TSHZ3: variants seen among roughly 807,000 people sequenced by gnomAD.
TSHZ3 encodes teashirt zinc finger homeobox 3.
Under a neutral mutation model 64.5 loss-of-function variants are expected in TSHZ3, and 10 were observed. The ratio of observed to expected loss-of-function variants is 0.16; its 90% CI spans 0.10 to 0.26. The LOEUF is 0.26. Ranked by LOEUF, TSHZ3 falls within the 10% of genes least tolerant of loss-of-function variation. The probability of loss-of-function intolerance (pLI) is 1.00; values close to 1 mark genes in which losing one functional copy is unlikely to be tolerated. For missense variants in TSHZ3, 1,242 were observed against 1,421.7 expected (o/e 0.87, Z 2.03); for synonymous variants, 608 against 593.1 (o/e 1.03, Z -0.36).
chr19:31,284,153 C>T (rs1337900413), intron 1 of TSHZ3, among the ~76,000 whole-genome samples: 1 of 152,150 alleles, frequency 6.6e-6, no homozygotes, highest in African/African-American at 2.4e-5. Flanking sequence ...CTTCCTTAGT[C>T]TTGCATGCAG....
In TSHZ3 at chr19:31,349,361, G is replaced by T; in HGVS notation, c.-142C>A. The stretch of plus-strand genomic sequence containing the variant: ...CCCGGAGAGCGGCCGCCCGCAGGAT[G>T]CTGCTGCGCCCAGGCTCTCCGCGTC... On this transcript the variant is annotated 5_prime_UTR_variant, in exon 1 of 2. Transcript: ENST00000240587. 3.0e-6 allele frequency: 2 copies of T among 675,318 alleles called. No individual in the cohort carries two copies. The highest frequency in any genetic ancestry group is 4.4e-6 in the Non-Finnish European group (2 of 459,606). The allele number at this position is 675,318 out of a possible 1,614,324, so 41.8% of individuals were successfully genotyped here.
chr19:31,195,254 C>A (rs1974968913), intron 5 of TSHZ3, among the ~76,000 whole-genome samples: 1 of 151,828 alleles, frequency 6.6e-6, no homozygotes, highest in Non-Finnish European at 1.5e-5. Context: ...CAGAGAACAC[C>A]AATCAGGAAA....
Position 31,178,159 on chromosome 19 carries a change from A to G in TSHZ3, n.810-21742T>C, listed in dbSNP as rs567362281. On this transcript the variant is annotated intron_variant and non_coding_transcript_variant, in intron 5 of 6. Coordinates refer to the TSHZ3 transcript ENST00000651361. Reference sequence around the variant, plus strand: ...ATAGTAAGCTTCCCATTGATGATAGATATGATCGTTCTTTTTGTTTAATTG... The same window carrying G: ...ATAGTAAGCTTCCCATTGATGATAGGTATGATCGTTCTTTTTGTTTAATTG... 8.7e-4 allele frequency among the ~76,000 whole-genome samples: 132 copies of G among 152,272 alleles called. 3 individuals carry two copies. Among genetic ancestry groups the G allele is most frequent in the African/African-American group, 3.0e-3 (124 of 41,552 alleles).
At chr19:31,247,836 C>T (rs1404240311) in intron 1 of TSHZ3, among the ~76,000 whole-genome samples, 1 of 147,416 alleles carries the variant, frequency 6.8e-6, no homozygotes, top group African/African-American at 2.6e-5. Context: ...AATTAAAGTG[C>T]GTGTATACAC....
At chr19:31,335,710 C>T (rs1373502849) in intron 1 of TSHZ3, among the ~76,000 whole-genome samples, 1 of 152,222 alleles carries the variant, frequency 6.6e-6, no homozygotes, top group Non-Finnish European at 1.5e-5. Context: ...GCCCCAGCCT[C>T]CTGAACAGGT....
At chr19:31,307,796 C>A (rs1412769160) in intron 1 of TSHZ3, among the ~76,000 whole-genome samples, 2 of 152,162 alleles carry the variant, frequency 1.3e-5, no homozygotes, top group Non-Finnish European at 2.9e-5. Context: ...GCTCTGGCAG[C>A]CTTATTTCTG....
intron 4 of TSHZ3, among the ~76,000 whole-genome samples, chr19:31,223,364 A>ATGTGTG (rs1568352557): frequency 8.4e-6 from 1 of 118,404 alleles, no homozygotes; most frequent in African/African-American, 3.3e-5. Context: ...AGTTCTTATA[A>ATGTGTG]CGTGTGTGTG....
At chr19:31,284,006 C>A (rs910504052) in intron 1 of TSHZ3, among the ~76,000 whole-genome samples, 1 of 152,156 alleles carries the variant, frequency 6.6e-6, no homozygotes, top group Non-Finnish European at 1.5e-5. Flanking sequence ...TCCACCGATT[C>A]GACCCAACAA....
intron 1 of TSHZ3, among the ~76,000 whole-genome samples, chr19:31,292,312 A>G (rs10401918): frequency 0.7 from 105,834 of 152,052 alleles, 38,793 homozygotes; most frequent in African/African-American, 0.92. Context: ...TGTCTTTAAC[A>G]AGGCAGTTCA....
At chr19:31,298,177 C>T (rs768115872) in intron 1 of TSHZ3, among the ~76,000 whole-genome samples, 1 of 152,096 alleles carries the variant, frequency 6.6e-6, no homozygotes, top group South Asian at 2.1e-4. Flanking sequence ...CATTTCACCT[C>T]CCACAACCCA....
intron 1 of TSHZ3, among the ~76,000 whole-genome samples, chr19:31,327,285 T>C (rs1337867909): frequency 6.6e-6 from 1 of 152,226 alleles, no homozygotes; most frequent in Non-Finnish European, 1.5e-5. Flanking sequence ...CGCTGCACAT[T>C]TTTGAACAGC....
intron 5 of TSHZ3, among the ~76,000 whole-genome samples, chr19:31,161,815 C>A (rs1438699909): frequency 6.6e-6 from 1 of 152,226 alleles, no homozygotes; most frequent in African/African-American, 2.4e-5. Flanking sequence ...GCCACACGGT[C>A]TCTGTTACAA....
rs1976218085 is a variant in TSHZ3 at position 31,275,758 on chromosome 19, T to C, written c.*789A>G. 1 of 152,582 alleles carries C rather than the reference T, an allele frequency of 6.6e-6. No homozygotes were observed. The highest frequency in any genetic ancestry group is 2.4e-5 in the African/African-American group (1 of 41,436). 9.5% of individuals were successfully genotyped at this position (152,582 alleles called of 1,614,324 possible). A position where few individuals can be genotyped will look rare whatever the true frequency, so the allele number is the denominator to read the frequency against. On this transcript the variant is annotated 3_prime_UTR_variant, in exon 2 of 2. Coordinates refer to ENST00000240587, the MANE Select transcript of TSHZ3 (RefSeq NM_020856.4). The stretch of plus-strand genomic sequence containing the variant: ...AATGCTATCTGTGGTATCTTCTGTA[T>C]AATTTACAATGTTTGCATGTAAAAA...
At chr19:31,343,572 A>T (rs1917497107) in intron 1 of TSHZ3, among the ~76,000 whole-genome samples, 1 of 152,176 alleles carries the variant, frequency 6.6e-6, no homozygotes, top group Non-Finnish European at 1.5e-5. Context: ...AACCTAGAGT[A>T]TGACAGTTGT....
chr19:31,226,618 C>G (rs565565574), intron 4 of TSHZ3, among the ~76,000 whole-genome samples: 2 of 152,236 alleles, frequency 1.3e-5, no homozygotes, highest in East Asian at 3.9e-4. Flanking sequence ...TCAGAACTTC[C>G]CTGCTAACCG....
At chr19:31,298,630 G>A (rs190982493) in intron 1 of TSHZ3, among the ~76,000 whole-genome samples, 15 of 152,228 alleles carry the variant, frequency 9.9e-5, no homozygotes, top group Admixed American at 9.8e-4. Context: ...TTGCACTCCT[G>A]GGGGTACCTT....
chr19:31,212,940 C>T (rs1169045785), intron 4 of TSHZ3, among the ~76,000 whole-genome samples: 1 of 151,940 alleles, frequency 6.6e-6, no homozygotes, highest in Non-Finnish European at 1.5e-5. Flanking sequence ...AGCTAACAAG[C>T]CATGAAAAGA....
At chr19:31,163,298 C>G (rs568388207) in intron 5 of TSHZ3, among the ~76,000 whole-genome samples, 2 of 152,240 alleles carry the variant, frequency 1.3e-5, no homozygotes, top group East Asian at 3.9e-4. Context: ...GAGTTGGTAA[C>G]ACTAAGTCTG....
intron 1 of TSHZ3, among the ~76,000 whole-genome samples, chr19:31,288,326 C>A (rs150877951): frequency 2.6e-5 from 4 of 152,198 alleles, no homozygotes; most frequent in African/African-American, 9.6e-5. Flanking sequence ...TCAGCAGGCA[C>A]GAAGTCCTCT....
Sources: allele counts gnomAD v4.1 joint callset (sites outside exome capture counted in the v4.1 genomes callset), GRCh38; gene constraint gnomAD v4.1.1; transcripts MANE v1.5; gene names NCBI Gene and HGNC (gene_info 2026-07-23, HGNC 2026-07-21).